RETSAT: variants seen among roughly 807,000 people sequenced by gnomAD.
RETSAT encodes the protein all-trans-retinol 13,14-reductase.
A neutral mutation model predicts 61.6 loss-of-function variants in RETSAT; 35 were observed. The observed-to-expected ratio is 0.57, with a 90% CI of 0.43 to 0.75. The LOEUF (loss-of-function observed/expected upper bound fraction) is 0.75. RETSAT is among the 30% of genes least tolerant of loss of function. The pLI is 0.00. For synonymous variants in RETSAT, 277 were observed against 310.4 expected (o/e 0.89, Z 1.13); for missense variants, 670 against 759.5 (o/e 0.88, Z 1.38).
In RETSAT at chr2:85,354,404, T is replaced by C; in HGVS notation, c.104A>G (p.Glu35Gly). The C allele has an allele frequency of 1.2e-6, 2 of 1,614,204 alleles. No homozygotes were observed. The highest frequency in any genetic ancestry group is 2.2e-5 in the East Asian group (1 of 44,882). Residue 35 changes from glutamate to glycine, a missense_variant, in exon 1 of 11, where the codon GAA becomes GGA. Glu to Gly is a moderately conservative substitution (Grantham distance 98). Transcript: ENST00000295802. ...FSGSSPNPFSEDVKRPPAPLV... is the reference protein window; with the variant it reads ...FSGSSPNPFSGDVKRPPAPLV... Reference sequence around the variant, plus strand: ...GGGCGCTGGGGGCCGTTTGACATCTTCGGAGAAAGGATTCGGGGAGCTGCC... The same window carrying C: ...GGGCGCTGGGGGCCGTTTGACATCTCCGGAGAAAGGATTCGGGGAGCTGCC...
chr2:85,351,105 G>A lies in RETSAT; in HGVS notation c.356-84C>T, dbSNP rs575037899. 67 of 1,543,194 alleles carry A rather than the reference G, an allele frequency of 4.3e-5. 2 individuals carry two copies. In the South Asian group the frequency reaches 7.3e-4, roughly 17 times the overall value. ...GTGGCTGAGGAAGTGAGGTGGAAGA[G>A]TTTATCTGGCCTGGCCAAGTTCACG... On this transcript the variant is annotated intron_variant, in intron 2 of 10. Coordinates refer to ENST00000295802, the MANE Select transcript of RETSAT (RefSeq NM_017750.4).
intron 6 of RETSAT, chr2:85,345,536 C>T (rs1683181559): frequency 8.8e-6 from 3 of 340,894 alleles, no homozygotes; most frequent in Non-Finnish European, 1.7e-5. Flanking sequence ...CTGGTCCCCT[C>T]TTCCCAGCGG....
At chr2:85,344,772 C>A (rs111914239) in intron 6 of RETSAT, 40 bp from the exon 7 acceptor site, 1 of 1,602,168 alleles carries the variant, frequency 6.2e-7, no homozygotes, top group Admixed American at 1.7e-5. Context: ...GGACCATGGC[C>A]GGAGACGGCC....
At position 85,351,795 on chromosome 2, in the gene RETSAT, C is replaced by G. The variant is rs1397124279; in HGVS notation, c.240G>C (p.Leu80=). The G allele has an allele frequency of 6.2e-7, 1 of 1,614,082 alleles. No homozygotes were observed. The highest frequency in any genetic ancestry group is 1.7e-5 in the Admixed American group (1 of 60,002). Residue 80 remains leucine (L), a synonymous_variant, in exon 2 of 11, where the codon CTG becomes CTC. Transcript: ENST00000295802. The stretch of plus-strand genomic sequence containing the variant: ...CTTTAGCTAGAATTGCAGCTGCAGC[C>G]AGGCCCCCAAAGCCACTGCCAATTA... ...VVVIGSGFGG[L]AAAAILAKAG...
At chr2:85,348,745 TTTTCTTTTCC>T (rs1683246596) in intron 5 of RETSAT, among the ~76,000 whole-genome samples, 1 of 151,830 alleles carries the variant, frequency 6.6e-6, no homozygotes, top group South Asian at 2.1e-4. Flanking sequence ...TTTATTTTTC[TTTTCTTTTCC>T]TTTCTTTTTT....
chr2:85,346,229 C>T (rs891454824), intron 5 of RETSAT, 135 bp from the exon 6 acceptor site: 2 of 1,190,350 alleles, frequency 1.7e-6, no homozygotes, highest in East Asian at 2.4e-5. Flanking sequence ...TCAGGCAGGG[C>T]AGGCCCCTGG....
chr2:85,345,252 G>A (rs970232893), intron 6 of RETSAT, among the ~76,000 whole-genome samples: 7 of 152,162 alleles, frequency 4.6e-5, no homozygotes, highest in African/African-American at 1.2e-4. Context: ...CCTATGCCCT[G>A]GAGACAATCA....
Position 85,350,820 on chromosome 2 carries a change from T to C in RETSAT, c.557A>G (p.Gln186Arg), listed in dbSNP as rs1210215889. Residue 186 changes from glutamine to arginine, a missense_variant, in exon 3 of 11, where the codon CAG becomes CGG. By Grantham distance (43) the Gln-to-Arg change is conservative. Transcript: ENST00000295802. ...ATACTTGTCAATGATAGCTTCCTCC[T>C]GTGGAAACTTCTCCTTGAGGCCCTG... ...YIQGLKEKFP[Q>R]EEAIIDKYIK... is the part of the protein sequence containing the mutation. 1 of 1,614,072 alleles carries C rather than the reference T, an allele frequency of 6.2e-7. No homozygotes were observed. The highest frequency in any genetic ancestry group is 8.5e-7 in the Non-Finnish European group (1 of 1,180,022).
chr2:85,344,433 G>A (rs570266958), intron 7 of RETSAT, 85 bp from the exon 8 acceptor site: 1 of 1,537,260 alleles, frequency 6.5e-7, no homozygotes, highest in African/African-American at 1.4e-5. Context: ...TATCCCTAGG[G>A]ACTCCCCACA....
At chr2:85,347,208 C>T (rs1268172757) in intron 5 of RETSAT, among the ~76,000 whole-genome samples, 19 of 152,060 alleles carry the variant, frequency 1.2e-4, no homozygotes, top group Admixed American at 1.1e-3. Context: ...CCTTAGCACA[C>T]GCCTCCAGAT....
Position 85,343,664 on chromosome 2 carries a change from GC to G in RETSAT, c.1667del (p.Ser556ThrfsTer8). 1 of 1,614,068 alleles carries G rather than the reference GC, an allele frequency of 6.2e-7. No individual in the cohort carries two copies. On this transcript the variant is annotated frameshift_variant, in exon 10 of 11. Coordinates refer to ENST00000295802, the MANE Select transcript of RETSAT (RefSeq NM_017750.4). LOFTEE classifies it high-confidence loss of function. ...PCVMASLRAQ[S>X]PIPNLYLTGQ... ...CTGTCAGATAGAGGTTGGGGATGGG[GC>G]TCTGGGCCCTCAAGGAGGCCATCAC...
intron 1 of RETSAT, 64 bp downstream of exon 1, chr2:85,354,272 T>G: frequency 6.7e-5 from 106 of 1,582,466 alleles, no homozygotes; most frequent in Non-Finnish European, 8.4e-5. Flanking sequence ...CTTGGCAAAA[T>G]GAGAACCCAA....
At chr2:85,347,550 TAA>T (rs1464280426) in intron 5 of RETSAT, among the ~76,000 whole-genome samples, 11 of 151,880 alleles carry the variant, frequency 7.2e-5, no homozygotes, top group Admixed American at 7.2e-4. Context: ...GTATTTTTAG[TAA>T]AGACAGGGTT....
chr2:85,344,836 C>G, intron 6 of RETSAT, 104 bp from the exon 7 acceptor site: 1 of 1,322,514 alleles, frequency 7.6e-7, no homozygotes, highest in Non-Finnish European at 1.0e-6. Context: ...CTGCCTGAGG[C>G]ATGCCGGGCC....
chr2:85,351,621 T>A, intron 2 of RETSAT, 59 bp downstream of exon 2: 1 of 1,521,210 alleles, frequency 6.6e-7, no homozygotes, highest in East Asian at 2.3e-5. Context: ...CCACAAGGGC[T>A]GCTCCAAGCC....
In RETSAT at chr2:85,350,044, A is replaced by G; in HGVS notation, c.795T>C (p.Thr265=). The change falls in exon 4 of 11, where the codon ACT becomes ACC. Residue 265 remains threonine (T), a synonymous_variant. Coordinates refer to ENST00000295802, the MANE Select transcript of RETSAT (RefSeq NM_017750.4). ...LQAVLSYIFP[T]YGVTPNHSAF... Reference sequence around the variant, plus strand: ...GAGCCCAGGCCCAGTACCCACCGTAAGTGGGGAAGATGTAGCTGAGTACTG... The same window carrying G: ...GAGCCCAGGCCCAGTACCCACCGTAGGTGGGGAAGATGTAGCTGAGTACTG... 6.2e-7 allele frequency: 1 copy of G among 1,613,272 alleles called. No homozygotes were observed. Among genetic ancestry groups the G allele is most frequent in the Non-Finnish European group, 8.5e-7 (1 of 1,179,780 alleles).
chr2:85,347,644 A>T (rs1006160690), intron 5 of RETSAT, among the ~76,000 whole-genome samples: 1 of 152,262 alleles, frequency 6.6e-6, no homozygotes, highest in Non-Finnish European at 1.5e-5. Flanking sequence ...CTGGGATTAC[A>T]GGCATGAGCC....
Position 85,343,135 on chromosome 2 carries a change from T to C in RETSAT, c.*107A>G, listed in dbSNP as rs71337790. On this transcript the variant is annotated 3_prime_UTR_variant, in exon 11 of 11. Transcript: ENST00000295802. ...CTCTCTTCAGGCATCAGAACCAAAT[T>C]AGAGTGCTTTATACGTGCAAGGAAC... 1.3e-6 allele frequency: 2 copies of C among 1,492,246 alleles called. No homozygotes were observed. Among genetic ancestry groups the C allele is most frequent in the African/African-American group, 1.4e-5 (1 of 71,986 alleles). The allele number at this position is 1,492,246 out of a possible 1,614,324, so 92.4% of individuals were successfully genotyped here. A position where few individuals can be genotyped will look rare whatever the true frequency, so the allele number is the denominator to read the frequency against.
At chr2:85,350,730 AC>A (rs778667081) in intron 3 of RETSAT, 49 bp downstream of exon 3, 2 of 1,610,076 alleles carry the variant, frequency 1.2e-6, no homozygotes, top group African/African-American at 2.7e-5. Context: ...TAATAAAGAA[AC>A]CCAGCCTTAT....
Sources: allele counts gnomAD v4.1 joint callset (sites outside exome capture counted in the v4.1 genomes callset), GRCh38; gene constraint gnomAD v4.1.1; transcripts MANE v1.5; gene names NCBI Gene and HGNC (gene_info 2026-07-23, HGNC 2026-07-21).